NRXN1: variants seen among roughly 807,000 people sequenced by gnomAD.
NRXN1 encodes the protein neurexin-1.
In NRXN1, 39 loss-of-function variants were observed where a neutral mutation model predicts 150.9. The observed-to-expected ratio is 0.26, with a 90% CI of 0.20 to 0.34. The LOEUF is 0.34. Ranked by LOEUF, NRXN1 falls within the 10% of genes least tolerant of loss-of-function variation. NRXN1 has a pLI of 1.00. For missense variants in NRXN1, 1,815 were observed against 1,949.9 expected (o/e 0.93, Z 1.30); for synonymous variants, 924 against 757.0 (o/e 1.22, Z -3.62).
chr2:50,522,863 C>T (rs2092833069), intron 12 of NRXN1, among the ~76,000 whole-genome samples: 1 of 150,382 alleles, frequency 6.6e-6, no homozygotes, highest in African/African-American at 2.5e-5. Context: ...TCCCAAGTAG[C>T]TGGGATTATA....
intron 17 of NRXN1, among the ~76,000 whole-genome samples, chr2:50,391,667 T>C (rs1232225054): frequency 6.6e-6 from 1 of 152,132 alleles, no homozygotes; most frequent in African/African-American, 2.4e-5. Flanking sequence ...ACTAATAAGA[T>C]AGGCTGGCTT....
intron 15 of NRXN1, among the ~76,000 whole-genome samples, chr2:50,494,995 C>T (rs2091478512): frequency 6.7e-6 from 1 of 149,824 alleles, no homozygotes; most frequent in Non-Finnish European, 1.5e-5. Context: ...CGTGCCACTG[C>T]ACTCCAGCCT....
intron 17 of NRXN1, among the ~76,000 whole-genome samples, chr2:50,450,992 T>C (rs2086904220): frequency 6.6e-6 from 1 of 152,202 alleles, no homozygotes; most frequent in Admixed American, 6.5e-5. Context: ...TATTTTGTTG[T>C]CGTTTGAGTC....
chr2:51,014,239 A>T (rs1668324945), intron 2 of NRXN1, among the ~76,000 whole-genome samples: 1 of 152,048 alleles, frequency 6.6e-6, no homozygotes, highest in African/African-American at 2.4e-5. Flanking sequence ...GATAGTGGGT[A>T]AAATAAACAG....
At chr2:50,759,633 T>A (rs967734134) in intron 5 of NRXN1, among the ~76,000 whole-genome samples, 1 of 151,904 alleles carries the variant, frequency 6.6e-6, no homozygotes, top group African/African-American at 2.4e-5. Flanking sequence ...AGGGCTGATA[T>A]GTCAGGAATA....
chr2:50,119,762 T>C (rs1703603368), intron 18 of NRXN1, among the ~76,000 whole-genome samples: 1 of 152,200 alleles, frequency 6.6e-6, no homozygotes, highest in African/African-American at 2.4e-5. Flanking sequence ...TCTTTGAAAC[T>C]GCCACACCTA....
At chr2:50,879,100 C>A (rs1574805215) in intron 5 of NRXN1, among the ~76,000 whole-genome samples, 1 of 151,842 alleles carries the variant, frequency 6.6e-6, no homozygotes, top group African/African-American at 2.4e-5. Flanking sequence ...GCAGATGACC[C>A]TACATAGTGT....
intron 2 of NRXN1, among the ~76,000 whole-genome samples, chr2:51,004,293 TA>T (rs1375199184): frequency 6.6e-6 from 1 of 151,936 alleles, no homozygotes; most frequent in African/African-American, 2.4e-5. Flanking sequence ...GTGCAGAGCC[TA>T]AAACAGTTAT....
intron 19 of NRXN1, among the ~76,000 whole-genome samples, chr2:50,058,880 G>A (rs1430901762): frequency 1.3e-5 from 2 of 152,218 alleles, no homozygotes; most frequent in Non-Finnish European, 2.9e-5. Context: ...TGATTGTGAG[G>A]CCTCCCAACC....
At chr2:50,379,235 T>C (rs2080763247) in intron 17 of NRXN1, among the ~76,000 whole-genome samples, 1 of 152,170 alleles carries the variant, frequency 6.6e-6, no homozygotes, top group South Asian at 2.1e-4. Flanking sequence ...ACTGACTCTT[T>C]GTTTCACACA....
At chr2:50,596,031 TA>T (rs1432901575) in intron 8 of NRXN1, among the ~76,000 whole-genome samples, 1 of 152,206 alleles carries the variant, frequency 6.6e-6, no homozygotes, top group East Asian at 1.9e-4. Flanking sequence ...TATTCCTAGC[TA>T]GAGTAGACTG....
Position 51,027,687 on chromosome 2 carries a change from G to A in NRXN1, c.587C>T (p.Pro196Leu), listed in dbSNP as rs199836119. ...CAGCTTCACCTCGCCGCTGTCCACG[G>A]GCAGGACCTGCGAGGAGTTGACCCT... ...DVRVNSSQVL[P>L]VDSGEVKLDD... The change falls in exon 2 of 23, where the codon CCC becomes CTC. Residue 196 changes from proline (P) to leucine (L), a missense_variant. Physicochemically the swap from Pro to Leu is moderately conservative, Grantham distance 98. This residue lies in a region of NRXN1 where 554 missense variants were observed against 478.8 expected (regional missense o/e 1.16). Coordinates refer to ENST00000401669, the MANE Select transcript of NRXN1 (RefSeq NM_001330078.2). 1.2e-5 allele frequency: 19 copies of A among 1,604,766 alleles called. No homozygotes were observed. In the Middle Eastern group the frequency reaches 8.2e-4, roughly 70 times the overall value.
intron 21 of NRXN1, among the ~76,000 whole-genome samples, chr2:49,999,389 T>C (rs1044757681): frequency 6.6e-6 from 1 of 152,146 alleles, no homozygotes; most frequent in Admixed American, 6.6e-5. Context: ...TCCTCTCTTA[T>C]GGAATTTATA....
chr2:50,818,850 A>G, intron 5 of NRXN1, among the ~76,000 whole-genome samples: 1 of 152,164 alleles, frequency 6.6e-6, no homozygotes, highest in Non-Finnish European at 1.5e-5. Flanking sequence ...AAAGCGGGCA[A>G]AGAACTTGTT....
chr2:50,491,012 G>C (rs190185686), intron 15 of NRXN1, among the ~76,000 whole-genome samples: 1 of 152,028 alleles, frequency 6.6e-6, no homozygotes, highest in Non-Finnish European at 1.5e-5. Context: ...CCTAACCACA[G>C]GACAGCAGGA....
At chr2:50,361,359 C>T (rs1210556942) in intron 17 of NRXN1, among the ~76,000 whole-genome samples, 2 of 151,952 alleles carry the variant, frequency 1.3e-5, no homozygotes, top group African/African-American at 4.8e-5. Flanking sequence ...AATAGATAGA[C>T]CACTAGCCAG....
chr2:50,105,269 G>C (rs1701482403), intron 18 of NRXN1: 1 of 152,006 alleles, frequency 6.6e-6, no homozygotes, highest in South Asian at 2.1e-4. Context: ...AATTAGTCCA[G>C]TTGTTTAGAA....
In NRXN1 at chr2:50,627,188, G is replaced by A. The variant is rs76770455; in HGVS notation, c.833-3573C>T. Among the ~76,000 whole-genome samples, 817 of 151,888 alleles carry A rather than the reference G, an allele frequency of 5.4e-3. 6 individuals are homozygous for A. The highest frequency in any genetic ancestry group is 0.019 in the African/African-American group (795 of 41,492). On this transcript the variant is annotated intron_variant, in intron 5 of 22. Coordinates refer to ENST00000401669, the MANE Select transcript of NRXN1 (RefSeq NM_001330078.2). Reference sequence around the variant, plus strand: ...TGTAATAAGTTTCTTTTGGCATTATGCAATCCCATGGGAATTTCACATATT... The same window carrying A: ...TGTAATAAGTTTCTTTTGGCATTATACAATCCCATGGGAATTTCACATATT...
intron 18 of NRXN1, among the ~76,000 whole-genome samples, chr2:50,211,022 G>C (rs1465000662): frequency 6.6e-6 from 1 of 151,500 alleles, no homozygotes. Context: ...CTATTAAAGA[G>C]AAAGCTTTTG....
Sources: gnomAD v4.1 joint callset for allele counts (sites outside exome capture counted in the v4.1 genomes callset) on GRCh38, gnomAD v4.1.1 for gene constraint, gnomAD v4.1.1 regional missense constraint, MANE v1.5 for transcripts, NCBI Gene and HGNC (gene_info 2026-07-23, HGNC 2026-07-21) for gene names.